Variants in FRAS1 observed in about 807,000 individuals in gnomAD.
The protein encoded by FRAS1 is extracellular matrix organizing protein FRAS1.
In FRAS1, 290 loss-of-function variants were observed where a neutral mutation model predicts 435.2. That is an observed-to-expected ratio of 0.67 (90% CI 0.61 to 0.73). The LOEUF is 0.73. FRAS1 is among the 30% of genes least tolerant of loss of function. FRAS1 has a pLI of 0.00. For synonymous variants in FRAS1, 1,800 were observed against 1,851.0 expected (o/e 0.97, Z 0.71); for missense variants, 4,860 against 5,001.5 (o/e 0.97, Z 0.85).
At chr4:78,112,117 C>T (rs980042233) in intron 2 of FRAS1, among the ~76,000 whole-genome samples, 10 of 152,084 alleles carry the variant, frequency 6.6e-5, no homozygotes, top group Admixed American at 2.6e-4. Flanking sequence ...TTTTTCATAT[C>T]ATGAATCTAA....
chr4:78,118,713 C>T lies in FRAS1; in HGVS notation c.108+52697C>T, dbSNP rs375428264. ...AGTGACCCGATTTTCCAGGTGCTGT[C>T]TGTCAACCCTTTCTTTGACTAGGAA... On this transcript the variant is annotated intron_variant, in intron 2 of 73. Coordinates refer to ENST00000512123, the MANE Select transcript of FRAS1 (RefSeq NM_025074.7). 5.3e-5 allele frequency among the ~76,000 whole-genome samples: 8 copies of T among 152,300 alleles called. 1 individual carries two copies. Among genetic ancestry groups the T allele is most frequent in the African/African-American group, 1.9e-4 (8 of 41,562 alleles).
chr4:78,185,568 T>G (rs991199198), intron 2 of FRAS1, among the ~76,000 whole-genome samples: 1 of 152,226 alleles, frequency 6.6e-6, no homozygotes, highest in Non-Finnish European at 1.5e-5. Context: ...TTATTTGCTT[T>G]TCTTGATTGT....
chr4:78,058,344 T>G (rs1739577247), intron 1 of FRAS1, among the ~76,000 whole-genome samples: 1 of 151,970 alleles, frequency 6.6e-6, no homozygotes, highest in Non-Finnish European at 1.5e-5. Flanking sequence ...GGTGGGTGGG[T>G]GGCCGATGGA....
At chr4:78,319,541 C>T in intron 18 of FRAS1, 2 of 378,830 alleles carry the variant, frequency 5.3e-6, no homozygotes, top group Admixed American at 5.8e-5. Flanking sequence ...CACAAGTAGC[C>T]TTGCTGTTGG....
rs529844871 is a variant in FRAS1 at position 78,418,881 on chromosome 4, G to T, written c.4426-68G>T. The T allele has an allele frequency of 6.4e-5, 56 of 879,842 alleles. 1 individual carries two copies. In the South Asian group the frequency reaches 8.3e-4, roughly 13 times the overall value. The allele number at this position is 879,842 out of a possible 1,614,324, so 54.5% of individuals were successfully genotyped here. ...AGAGCAATTTTTTTTTCTTAATAAGGTCTGTTTTTGCCTCTGGCTTTTGTT... is the reference window on the plus strand; with the variant it reads ...AGAGCAATTTTTTTTTCTTAATAAGTTCTGTTTTTGCCTCTGGCTTTTGTT... On this transcript the variant is annotated intron_variant, in intron 32 of 73. Transcript: ENST00000512123.
chr4:78,095,724 C>T (rs886370683), intron 2 of FRAS1, among the ~76,000 whole-genome samples: 4 of 152,188 alleles, frequency 2.6e-5, no homozygotes, highest in Non-Finnish European at 4.4e-5. Context: ...TCTTTTGAGA[C>T]TTATTCACTA....
intron 2 of FRAS1, among the ~76,000 whole-genome samples, chr4:78,204,894 G>C (rs2903451): frequency 0.96 from 146,364 of 152,282 alleles, 70,593 homozygotes; most frequent in East Asian, 1. Context: ...ACTTTTTTTC[G>C]TATATTTTTG....
rs1008239433 is a variant in FRAS1, at chr4:78,316,535, A to G, written c.1819+801A>G. ...CGTTCTCATCCCATCTCTACCCACC[A>G]CCCCCAACTCCTGACCATGGTCCTG... On this transcript the variant is annotated intron_variant, in intron 16 of 73. Transcript: ENST00000512123. Among the ~76,000 whole-genome samples the G allele has an allele frequency of 1.1e-4, 16 of 150,026 alleles. No homozygotes were observed. In the East Asian group the frequency reaches 2.8e-3, roughly 26 times the overall value.
At chr4:78,090,046 T>C (rs1741432503) in intron 2 of FRAS1, among the ~76,000 whole-genome samples, 1 of 148,632 alleles carries the variant, frequency 6.7e-6, no homozygotes, top group Non-Finnish European at 1.5e-5. Context: ...TGACAATATG[T>C]AACAAATGTC....
chr4:78,247,608 G>C (rs1725304613), intron 4 of FRAS1, among the ~76,000 whole-genome samples: 1 of 152,142 alleles, frequency 6.6e-6, no homozygotes, highest in African/African-American at 2.4e-5. Flanking sequence ...TTAAATGCTT[G>C]TCTGGTCTGG....
At chr4:78,513,839 T>C (rs1266407707) in intron 65 of FRAS1, among the ~76,000 whole-genome samples, 1 of 152,234 alleles carries the variant, frequency 6.6e-6, no homozygotes, top group Non-Finnish European at 1.5e-5. Flanking sequence ...TAACAATTGC[T>C]ACCACTCAAG....
At chr4:78,491,453 C>T (rs59347621) in intron 59 of FRAS1, among the ~76,000 whole-genome samples, 1 of 152,054 alleles carries the variant, frequency 6.6e-6, no homozygotes, top group African/African-American at 2.4e-5. Flanking sequence ...AGTTTATCCA[C>T]CACGATCAAG....
At position 78,057,902 on chromosome 4, in the gene FRAS1, C is replaced by A; in HGVS notation, c.-108C>A. 1 of 980,108 alleles carries A rather than the reference C, an allele frequency of 1.0e-6. No homozygotes were observed. The highest frequency in any genetic ancestry group is 1.6e-6 in the Non-Finnish European group (1 of 629,060). The allele number at this position is 980,108 out of a possible 1,614,324, so 60.7% of individuals were successfully genotyped here. A position where few individuals can be genotyped will look rare whatever the true frequency, so the allele number is the denominator to read the frequency against. ...TTCCCGGAGGTAAAGGCCCGCGGTCCCCCACCTTCAGTGCGCCCGGGTTCC... is the reference window on the plus strand; with the variant it reads ...TTCCCGGAGGTAAAGGCCCGCGGTCACCCACCTTCAGTGCGCCCGGGTTCC... On this transcript the variant is annotated 5_prime_UTR_variant, in exon 1 of 74. Transcript: ENST00000512123. The surrounding 1 kb of genome is among the most constrained non-coding windows in gnomAD (Gnocchi z 4.2).
At chr4:78,451,597 G>C (rs1383578666) in intron 45 of FRAS1, among the ~76,000 whole-genome samples, 175 bp from the exon 46 acceptor site, 2 of 152,166 alleles carry the variant, frequency 1.3e-5, no homozygotes, top group Non-Finnish European at 2.9e-5. Context: ...GTAGATGGTG[G>C]GAGAGGAAAA....
intron 2 of FRAS1, among the ~76,000 whole-genome samples, chr4:78,146,840 C>T (rs553752929): frequency 6.6e-6 from 1 of 152,030 alleles, no homozygotes; most frequent in East Asian, 1.9e-4. Flanking sequence ...TTTCTTGTAT[C>T]ACTTTTAGGT....
intron 5 of FRAS1, among the ~76,000 whole-genome samples, chr4:78,253,840 C>T (rs756613995): frequency 1.3e-5 from 2 of 151,722 alleles, no homozygotes; most frequent in African/African-American, 2.4e-5. Flanking sequence ...AAGGTGGTTC[C>T]TTTTGCCTCC....
intron 2 of FRAS1, among the ~76,000 whole-genome samples, chr4:78,096,645 C>T (rs1343918747): frequency 6.6e-6 from 1 of 152,234 alleles, no homozygotes; most frequent in African/African-American, 2.4e-5. Context: ...GGGCTTGCAC[C>T]CTCTGAAGCC....
chr4:78,496,391 C>T (rs963944203), intron 59 of FRAS1, among the ~76,000 whole-genome samples: 1 of 152,222 alleles, frequency 6.6e-6, no homozygotes, highest in African/African-American at 2.4e-5. Context: ...AGAAGTGTTA[C>T]TCAACTCTCC....
intron 24 of FRAS1, among the ~76,000 whole-genome samples, chr4:78,373,634 G>A (rs992565471): frequency 1.1e-4 from 17 of 151,640 alleles, no homozygotes; most frequent in South Asian, 2.1e-4. Flanking sequence ...AAAATTAGCC[G>A]AGCATGGTGG....
Sources: allele counts gnomAD v4.1 joint callset (sites outside exome capture counted in the v4.1 genomes callset), GRCh38; gene constraint gnomAD v4.1.1; non-coding constraint Gnocchi (gnomAD v3.1); transcripts MANE v1.5; gene names NCBI Gene and HGNC (gene_info 2026-07-23, HGNC 2026-07-21).